TSPAN14: variants seen among roughly 807,000 people sequenced by gnomAD.
The protein encoded by TSPAN14 is tetraspanin-14.
In TSPAN14, 16 loss-of-function variants were observed where a neutral mutation model predicts 36.6. The ratio of observed to expected loss-of-function variants is 0.44; its 90% CI spans 0.30 to 0.66. The LOEUF (loss-of-function observed/expected upper bound fraction) is 0.66. Ranked by LOEUF, TSPAN14 falls within the 30% of genes least tolerant of loss-of-function variation. TSPAN14 has a pLI of 0.12. For synonymous variants in TSPAN14, 139 were observed against 143.8 expected (o/e 0.97, Z 0.24); for missense variants, 231 against 355.1 (o/e 0.65, Z 2.81).
chr10:80,516,162 G>A lies in TSPAN14; in HGVS notation c.622-42G>A, dbSNP rs190737605. Reference sequence around the variant, plus strand: ...CACTAGGGGATCAGGTGGGGACATCGTGTGTGCCAAAGGCTCAGACCCCTG... The same window carrying A: ...CACTAGGGGATCAGGTGGGGACATCATGTGTGCCAAAGGCTCAGACCCCTG... On this transcript the variant is annotated intron_variant, in intron 7 of 8. Transcript: ENST00000429989. The A allele has an allele frequency of 4.6e-5, 74 of 1,613,584 alleles. No individual in the cohort carries two copies. In the East Asian group the frequency reaches 1.4e-3, roughly 30 times the overall value.
At chr10:80,454,720 G>A (rs969971462) in intron 1 of TSPAN14, among the ~76,000 whole-genome samples, 1 of 152,160 alleles carries the variant, frequency 6.6e-6, no homozygotes, top group Non-Finnish European at 1.5e-5. Context: ...GCGGGGTGAG[G>A]GCGACGGGAG....
At chr10:80,480,497 A>G (rs2131992393) in intron 1 of TSPAN14, among the ~76,000 whole-genome samples, 1 of 152,370 alleles carries the variant, frequency 6.6e-6, no homozygotes, top group African/African-American at 2.4e-5. Flanking sequence ...TTATTACGGC[A>G]CTATTCACAA....
chr10:80,501,033 A>G (rs1384558903), intron 2 of TSPAN14, among the ~76,000 whole-genome samples: 1 of 152,128 alleles, frequency 6.6e-6, no homozygotes, highest in Admixed American at 6.5e-5. Flanking sequence ...GTCACCTAGG[A>G]GAACAAAACA....
Position 80,478,788 on chromosome 10 carries a change from G to A in TSPAN14, c.-17-10429G>A, listed in dbSNP as rs187872937. 2.8e-3 allele frequency among the ~76,000 whole-genome samples: 426 copies of A among 152,300 alleles called. 3 individuals carry two copies. The highest frequency in any genetic ancestry group is 9.4e-3 in the African/African-American group (389 of 41,562). On this transcript the variant is annotated intron_variant, in intron 1 of 8. Transcript: ENST00000429989. ...TGTAATCCCAGCACTTTGGGAGGCC[G>A]AGGCAGGCGGATCACTTGAGACCAG...
chr10:80,463,593 A>T (rs1564708875), intron 1 of TSPAN14, among the ~76,000 whole-genome samples: 1 of 152,330 alleles, frequency 6.6e-6, no homozygotes, highest in African/African-American at 2.4e-5. Context: ...ACAGCAGTGC[A>T]TGATTCTGCT....
At chr10:80,501,286 C>CTT (rs36008947) in intron 2 of TSPAN14, among the ~76,000 whole-genome samples, 3 of 120,596 alleles carry the variant, frequency 2.5e-5, no homozygotes, top group Admixed American at 8.4e-5. Context: ...TTTAGAAAAC[C>CTT]TTTTTTTTTT....
intron 3 of TSPAN14, among the ~76,000 whole-genome samples, chr10:80,506,902 T>C (rs1169437258): frequency 6.6e-6 from 1 of 152,248 alleles, no homozygotes; most frequent in Non-Finnish European, 1.5e-5. Context: ...GTGACCAGTT[T>C]GACCACAGGC....
At chr10:80,507,452 G>C in intron 4 of TSPAN14, 78 bp downstream of exon 4, 1 of 1,590,396 alleles carries the variant, frequency 6.3e-7, no homozygotes, top group Admixed American at 1.7e-5. Context: ...TATGTTACCT[G>C]GTCAGAGCAG....
intron 1 of TSPAN14, among the ~76,000 whole-genome samples, chr10:80,474,160 C>T (rs751090939): frequency 6.6e-6 from 1 of 152,024 alleles, no homozygotes; most frequent in Non-Finnish European, 1.5e-5. Context: ...ATGTGGCTGC[C>T]CTTCCTTGGG....
rs745396195 is a variant in TSPAN14, at chr10:80,509,315, C to T, written c.294C>T (p.Ile98=). 5.0e-6 allele frequency: 8 copies of T among 1,613,668 alleles called. No individual in the cohort carries two copies. The African/African-American group carries it at 5.3e-5, about 11-fold the overall frequency. The change falls in exon 5 of 9, where the codon ATC becomes ATT. Residue 98 remains isoleucine (I), a synonymous_variant. Coordinates refer to ENST00000429989, the Ensembl canonical transcript of TSPAN14. This position sits in a 1 kb window ranked among gnomAD's most constrained non-coding sequence, Gnocchi z 4.7. ...TTCCCCTGCAGTTCTGTGGCACCATCGTGCTCATCTTCTTCCTGGAGCTGG... is the reference window on the plus strand; with the variant it reads ...TTCCCCTGCAGTTCTGTGGCACCATTGTGCTCATCTTCTTCCTGGAGCTGG...
intron 3 of TSPAN14, 121 bp downstream of exon 3, chr10:80,504,899 G>A (rs1218582058): frequency 9.3e-7 from 1 of 1,073,430 alleles, no homozygotes; most frequent in Non-Finnish European, 1.4e-6. Flanking sequence ...GTGTCAAGGT[G>A]TATAATTGTC....
At chr10:80,480,852 G>A (rs1847231241) in intron 1 of TSPAN14, among the ~76,000 whole-genome samples, 1 of 152,120 alleles carries the variant, frequency 6.6e-6, no homozygotes, top group Non-Finnish European at 1.5e-5. Flanking sequence ...AATGGGTGCA[G>A]CACACCAGCA....
At chr10:80,463,798 G>A (rs112127718) in intron 1 of TSPAN14, among the ~76,000 whole-genome samples, 1 of 152,242 alleles carries the variant, frequency 6.6e-6, no homozygotes. Context: ...GATTCCGAAA[G>A]GGGGAATGAA....
rs375026892 is a variant in TSPAN14, at chr10:80,468,282, T to TTTCTGCC, written c.-18+13912_-18+13918dup. ...GCCTGTGTCACTGCTCTAGGCTGTGTTTCTGCCGGCACGAACACAGGAGGG... is the reference window on the plus strand; with the variant it reads ...GCCTGTGTCACTGCTCTAGGCTGTGTTTCTGCCTTCTGCCGGCACGAACACAGGAGGG... On this transcript the variant is annotated intron_variant, in intron 1 of 8. Transcript: ENST00000429989. Among the ~76,000 whole-genome samples, 335 of 152,254 alleles carry TTTCTGCC rather than the reference T, an allele frequency of 2.2e-3. 2 individuals carry two copies. Among genetic ancestry groups the TTTCTGCC allele is most frequent in the African/African-American group, 7.7e-3 (319 of 41,550 alleles).
At chr10:80,520,470 C>T (rs1239104113) in exon 9 of TSPAN14, 2 of 450,900 alleles carry the variant, frequency 4.4e-6, no homozygotes, top group South Asian at 1.7e-5. Context: ...CTGGCCTGTC[C>T]TGAATCCCCG....
At chr10:80,510,134 C>T (rs969389449) in intron 5 of TSPAN14, among the ~76,000 whole-genome samples, 13 of 152,252 alleles carry the variant, frequency 8.5e-5, no homozygotes, top group Non-Finnish European at 1.3e-4. Context: ...GAGGAACCCA[C>T]TCCTTGGCCA....
At position 80,483,911 on chromosome 10, in the gene TSPAN14, CAAAAAAAAAAAAAAAAAAAAAAAA is replaced by C. The variant is rs57795678; in HGVS notation, c.-17-5289_-17-5266del. ...GGCAACAAGAGCAAAACTCTTGTCT[CAAAAAAAAAAAAAAAAAAAAAAAA>C]AAAAAAAAAAAAAAAAGTGTAAAAT... On this transcript the variant is annotated intron_variant, in intron 1 of 8. Coordinates refer to ENST00000429989, the Ensembl canonical transcript of TSPAN14. Among the ~76,000 whole-genome samples the C allele has an allele frequency of 3.5e-3, 58 of 16,544 alleles. 2 individuals are homozygous for C. In the Admixed American group the frequency reaches 0.049, roughly 14 times the overall value. The allele number at this position is 16,544 out of a possible 152,430, so 10.9% of individuals were successfully genotyped here. A position where few individuals can be genotyped will look rare whatever the true frequency, so the allele number is the denominator to read the frequency against.
chr10:80,511,364 A>G (rs1032961024), intron 5 of TSPAN14, among the ~76,000 whole-genome samples: 8 of 152,202 alleles, frequency 5.3e-5, no homozygotes, highest in Non-Finnish European at 1.2e-4. Context: ...GAAAAGGGGA[A>G]TTCACTTGCA....
chr10:80,491,038 C>T (rs1240335038), intron 2 of TSPAN14, among the ~76,000 whole-genome samples: 1 of 152,332 alleles, frequency 6.6e-6, no homozygotes. Flanking sequence ...GGCAGACTTA[C>T]TAAGCCTTCT....
Sources: gnomAD v4.1 joint callset for allele counts (sites outside exome capture counted in the v4.1 genomes callset) on GRCh38, gnomAD v4.1.1 for gene constraint, Gnocchi (gnomAD v3.1) non-coding constraint, MANE v1.5 for transcripts, NCBI Gene and HGNC (gene_info 2026-07-23, HGNC 2026-07-21) for gene names.